Variants in ESR1 observed in about 807,000 individuals in gnomAD.
ESR1 encodes estrogen receptor 1.
Under a neutral mutation model 52.7 loss-of-function variants are expected in ESR1, and 12 were observed. That is an observed-to-expected ratio of 0.23 (90% CI 0.15 to 0.37). The LOEUF (loss-of-function observed/expected upper bound fraction) is 0.37. ESR1 is among the 10% of genes least tolerant of loss of function. The pLI, the probability that ESR1 is intolerant of heterozygous loss-of-function variation, is 1.00. For missense variants in ESR1, 584 were observed against 779.7 expected (o/e 0.75, Z 2.99); for synonymous variants, 305 against 316.8 (o/e 0.96, Z 0.39).
intron 4 of ESR1, among the ~76,000 whole-genome samples, chr6:151,947,238 G>A (rs541980088): frequency 2.0e-5 from 3 of 152,118 alleles, no homozygotes; most frequent in Non-Finnish European, 4.4e-5. Flanking sequence ...AGAATTGCTT[G>A]AACCTGGGAG....
chr6:151,701,571 G>A, intron 1 of ESR1, among the ~76,000 whole-genome samples: 1 of 149,308 alleles, frequency 6.7e-6, no homozygotes, highest in African/African-American at 2.5e-5. Context: ...AGAAATGGAA[G>A]TCATCCCGTG....
At chr6:151,709,139 C>T (rs181198778) in intron 2 of ESR1, among the ~76,000 whole-genome samples, 5 of 152,160 alleles carry the variant, frequency 3.3e-5, no homozygotes, top group African/African-American at 9.6e-5. Flanking sequence ...CCCCTCTGCC[C>T]GACACTGCCC....
At chr6:151,687,840 A>C (rs568650287), upstream of ESR1, among the ~76,000 whole-genome samples, 7 of 152,242 alleles carry the variant, frequency 4.6e-5, no homozygotes, top group Non-Finnish European at 1.0e-4. Flanking sequence ...GATGTAGTGG[A>C]TAGCACGATT....
chr6:151,817,468 T>C (rs1779848524), intron 1 of ESR1, among the ~76,000 whole-genome samples: 1 of 152,184 alleles, frequency 6.6e-6, no homozygotes, highest in African/African-American at 2.4e-5. Context: ...AACCCAGGTC[T>C]GCTAGATTTC....
chr6:151,827,099 G>A (rs1344324998), intron 1 of ESR1, among the ~76,000 whole-genome samples: 2 of 152,068 alleles, frequency 1.3e-5, no homozygotes, highest in Admixed American at 1.3e-4. Context: ...TGAGGCAGAT[G>A]GGTCACCTGA....
chr6:152,079,422 A>C (rs2049011312), intron 6 of ESR1, among the ~76,000 whole-genome samples: 5 of 152,198 alleles, frequency 3.3e-5, no homozygotes, highest in Admixed American at 3.3e-4. Context: ...GAAAACTAAC[A>C]AACAGAAAGG....
chr6:151,848,502 AAAG>A (rs1364420545), intron 2 of ESR1, among the ~76,000 whole-genome samples: 2 of 151,326 alleles, frequency 1.3e-5, no homozygotes, highest in Non-Finnish European at 3.0e-5. Context: ...TTAAAAAAAA[AAAG>A]AGATCTTAGT....
At chr6:152,087,423 A>G (rs1741198763) in intron 6 of ESR1, among the ~76,000 whole-genome samples, 1 of 152,226 alleles carries the variant, frequency 6.6e-6, no homozygotes, top group Non-Finnish European at 1.5e-5. Context: ...GCATTACAGT[A>G]GGACACCTAC....
In ESR1 at chr6:151,730,828, C is replaced by T. The variant is rs187298928; in HGVS notation, c.-71+28823C>T. 2.8e-3 allele frequency among the ~76,000 whole-genome samples: 431 copies of T among 152,220 alleles called. 2 individuals are homozygous for T. The highest frequency in any genetic ancestry group is 9.4e-3 in the Admixed American group (143 of 15,282). ...GGTGAAACATTCATCCTAATTTTTC[C>T]TTTTAGCTTTGAGACCACTTTTGCA... is the stretch of plus-strand genomic sequence containing the variant. On this transcript the variant is annotated intron_variant, in intron 2 of 2. Transcript: ENST00000404742.
intron 5 of ESR1, among the ~76,000 whole-genome samples, chr6:152,030,695 T>A (rs1455915456): frequency 3.3e-5 from 5 of 152,134 alleles, no homozygotes; most frequent in Non-Finnish European, 5.9e-5. Context: ...AATGGGAGAC[T>A]TTAACATCCC....
At chr6:151,899,353 AC>A (rs1264583154) in intron 3 of ESR1, among the ~76,000 whole-genome samples, 4 of 86,132 alleles carry the variant, frequency 4.6e-5, no homozygotes, top group Non-Finnish European at 6.4e-5. Flanking sequence ...CGGGGGGCTG[AC>A]CCCCCCACCT....
At chr6:152,106,077 G>A (rs1194648310), downstream of ESR1, among the ~76,000 whole-genome samples, 1 of 152,050 alleles carries the variant, frequency 6.6e-6, no homozygotes, top group Non-Finnish European at 1.5e-5. Flanking sequence ...ACAGGCGTGA[G>A]CCACCGCGCC....
intron 6 of ESR1, among the ~76,000 whole-genome samples, chr6:152,109,075 G>A (rs1001124117): frequency 1.3e-4 from 20 of 152,008 alleles, no homozygotes; most frequent in Non-Finnish European, 1.3e-4. Context: ...AGGTGGGGAG[G>A]CGCTACACAC....
chr6:151,784,997 C>A (rs1180010539), intron 2 of ESR1, among the ~76,000 whole-genome samples: 1 of 151,000 alleles, frequency 6.6e-6, no homozygotes. Flanking sequence ...ACTGATTGGG[C>A]AAGGCCCACC....
At chr6:151,926,168 C>T (rs2032702040) in intron 3 of ESR1, among the ~76,000 whole-genome samples, 1 of 152,074 alleles carries the variant, frequency 6.6e-6, no homozygotes, top group South Asian at 2.1e-4. Flanking sequence ...TATTTCTGGA[C>T]TTCTTACTCT....
intron 6 of ESR1, among the ~76,000 whole-genome samples, chr6:152,078,475 TC>T (rs1444017444): frequency 1.3e-5 from 2 of 152,198 alleles, no homozygotes; most frequent in Non-Finnish European, 2.9e-5. Context: ...CATTTTTTTT[TC>T]CATTTAAAAA....
chr6:151,752,732 T>A (rs974092265), intron 2 of ESR1, among the ~76,000 whole-genome samples: 2 of 152,230 alleles, frequency 1.3e-5, no homozygotes, highest in Non-Finnish European at 2.9e-5. Context: ...ATATTTAATA[T>A]TCTTTTCTAA....
intron 2 of ESR1, among the ~76,000 whole-genome samples, chr6:151,751,787 C>A (rs1783922033): frequency 6.6e-6 from 1 of 152,070 alleles, no homozygotes; most frequent in Non-Finnish European, 1.5e-5. Flanking sequence ...AATGTACCAG[C>A]CAGTTGGTAC....
chr6:151,942,298 A>G (rs915384777), intron 3 of ESR1, among the ~76,000 whole-genome samples: 2 of 152,180 alleles, frequency 1.3e-5, no homozygotes, highest in Admixed American at 6.5e-5. Context: ...TTAAATTCAA[A>G]ATCTCTGTTT....
Sources: allele counts gnomAD v4.1 joint callset (sites outside exome capture counted in the v4.1 genomes callset), GRCh38; gene constraint gnomAD v4.1.1; transcripts MANE v1.5; gene names NCBI Gene and HGNC (gene_info 2026-07-23, HGNC 2026-07-21).